NDP: variants seen among roughly 807,000 people sequenced by gnomAD.
The protein encoded by NDP is norrin cystine knot growth factor NDP.
In NDP, 2 loss-of-function variants were observed where a neutral mutation model predicts 8.4. The ratio of observed to expected loss-of-function variants is 0.24; its 90% CI spans 0.10 to 0.75. NDP has a LOEUF of 0.75. NDP is among the 30% of genes least tolerant of loss of function. The pLI is 0.73. For missense variants in NDP, 81 were observed against 110.1 expected (o/e 0.74, Z 1.18); for synonymous variants, 55 against 45.6 (o/e 1.21, Z -0.83).
At chrX:43,950,232 CT>C (rs952658075) in intron 2 of NDP, among the ~76,000 whole-genome samples, 1 of 110,536 alleles carries the variant, frequency 9.0e-6, no homozygotes, top group Non-Finnish European at 1.9e-5. Context: ...AGGGACCAGG[CT>C]TTCATGGTTT....
intron 1 of NDP, among the ~76,000 whole-genome samples, chrX:43,964,594 T>C (rs1309334059): frequency 1.8e-5 from 2 of 111,233 alleles, no homozygotes; most frequent in Non-Finnish European, 3.8e-5. Context: ...GCTTTCATCT[T>C]TTCCTCCCTA....
At chrX:43,968,333 A>G (rs1032475091) in intron 1 of NDP, among the ~76,000 whole-genome samples, 11 of 112,321 alleles carry the variant, frequency 9.8e-5, no homozygotes, top group African/African-American at 3.6e-4. Flanking sequence ...GACACAAGAA[A>G]AAAGCTTTGC....
At position 43,972,667 on chromosome X, in the gene NDP, C is replaced by T. The variant is rs1009496700; in HGVS notation, c.-208+637G>A. ...ACAGTAAATCCATCCTCATCTCCTC[C>T]CGGTGCTCCCCAATGCATCTATGGA... On this transcript the variant is annotated intron_variant, in intron 1 of 2. Coordinates refer to ENST00000642620, the MANE Select transcript of NDP (RefSeq NM_000266.4). Among the ~76,000 whole-genome samples the T allele has an allele frequency of 2.0e-4, 22 of 111,989 alleles. No individual in the cohort carries two copies. In the South Asian group the frequency reaches 2.2e-3, roughly 11 times the overall value.
intron 1 of NDP, among the ~76,000 whole-genome samples, chrX:43,970,009 G>A (rs2035882936): frequency 8.9e-6 from 1 of 112,184 alleles, no homozygotes; most frequent in South Asian, 3.8e-4. Context: ...AAAGAAAGAA[G>A]GGAAATATAT....
intron 1 of NDP, chrX:43,969,718 T>A (rs1602071946): frequency 8.9e-6 from 1 of 112,131 alleles, no homozygotes; most frequent in East Asian, 2.8e-4. Flanking sequence ...ACTATGGAGA[T>A]GGGGAGATCC....
chrX:43,965,747 G>A (rs5905579), intron 1 of NDP, among the ~76,000 whole-genome samples: 36,439 of 110,719 alleles, frequency 0.33, 4,658 homozygotes, highest in African/African-American at 0.44. Context: ...GTTCAGGATA[G>A]AAGAGAAAGA....
Position 43,958,680 on chromosome X carries a change from G to A in NDP, c.-35C>T. On this transcript the variant is annotated 5_prime_UTR_variant, in exon 2 of 3. Transcript: ENST00000642620. ...GAAAAACTTCTCTAGAAGAACAGCAGAGGGAGGCAGAGGACAAAAAATTGG... is the reference window on the plus strand; with the variant it reads ...GAAAAACTTCTCTAGAAGAACAGCAAAGGGAGGCAGAGGACAAAAAATTGG... 8.6e-7 allele frequency: 1 copy of A among 1,159,059 alleles called. No homozygotes were observed. The highest frequency in any genetic ancestry group is 1.8e-5 in the African/African-American group (1 of 56,799).
chrX:43,964,989 A>T (rs886438510), intron 1 of NDP, among the ~76,000 whole-genome samples: 3 of 112,458 alleles, frequency 2.7e-5, no homozygotes, highest in African/African-American at 9.7e-5. Context: ...CCAACACTGA[A>T]GCCCAAGCTA....
intron 2 of NDP, among the ~76,000 whole-genome samples, chrX:43,954,027 C>G (rs2035777465): frequency 8.9e-6 from 1 of 112,452 alleles, no homozygotes; most frequent in Non-Finnish European, 1.9e-5. Context: ...AGAATAAAGA[C>G]CCACCTGTCC....
chrX:43,960,524 G>A (rs759354911), intron 1 of NDP, among the ~76,000 whole-genome samples: 1 of 112,275 alleles, frequency 8.9e-6, no homozygotes, highest in Admixed American at 9.4e-5. Context: ...TTTCAAATCT[G>A]CAAAGGATGC....
At chrX:43,968,381 G>A (rs1012298390) in intron 1 of NDP, among the ~76,000 whole-genome samples, 4 of 112,425 alleles carry the variant, frequency 3.6e-5, no homozygotes, top group Non-Finnish European at 5.6e-5. Context: ...TAATGCCATC[G>A]GCACAATCTT....
At position 43,949,771 on chromosome X, in the gene NDP, A is replaced by G; in HGVS notation, c.*28T>C. On this transcript the variant is annotated 3_prime_UTR_variant, in exon 3 of 3. Coordinates refer to ENST00000642620, the MANE Select transcript of NDP (RefSeq NM_000266.4). ...GTCGAACTGCCTCTACAGTTGTCCC[A>G]TCCAGAAGCCACACACAGCAGCGGG... The G allele has an allele frequency of 8.7e-7, 1 of 1,153,093 alleles. No homozygotes were observed. The highest frequency in any genetic ancestry group is 1.2e-6 in the Non-Finnish European group (1 of 859,258).
At chrX:43,967,759 T>C (rs2035866638) in intron 1 of NDP, among the ~76,000 whole-genome samples, 1 of 111,369 alleles carries the variant, frequency 9.0e-6, no homozygotes, top group Non-Finnish European at 1.9e-5. Context: ...TTTGTGGCAC[T>C]GTAGAAAGGC....
chrX:43,963,037 A>G (rs1236411913), intron 1 of NDP, among the ~76,000 whole-genome samples: 1 of 112,260 alleles, frequency 8.9e-6, no homozygotes, highest in African/African-American at 3.2e-5. Context: ...TATCTCAGCA[A>G]CAGGCTAAGT....
At chrX:43,956,178 A>T (rs2035791899) in intron 2 of NDP, among the ~76,000 whole-genome samples, 1 of 111,909 alleles carries the variant, frequency 8.9e-6, no homozygotes, top group Admixed American at 9.5e-5. Context: ...TGCCTGACAC[A>T]TATATTAGGT....
intron 1 of NDP, among the ~76,000 whole-genome samples, chrX:43,960,291 T>G (rs749003716): frequency 8.9e-6 from 1 of 111,876 alleles, no homozygotes; most frequent in Non-Finnish European, 1.9e-5. Context: ...CTAGCCCAAG[T>G]TTCCTCATCT....
intron 2 of NDP, among the ~76,000 whole-genome samples, 166 bp downstream of exon 2, chrX:43,958,306 A>G (rs2035806987): frequency 8.9e-6 from 1 of 112,655 alleles, no homozygotes; most frequent in Non-Finnish European, 1.9e-5. Flanking sequence ...AACAGTGCAA[A>G]GCACGGGGGG....
rs2035809976 is a variant in NDP, at chrX:43,958,727, T to C, written c.-82A>G. The C allele has an allele frequency of 1.1e-5, 9 of 847,821 alleles. No individual in the cohort carries two copies. The highest frequency in any genetic ancestry group is 2.0e-5 in the African/African-American group (1 of 50,516). 69.9% of individuals were successfully genotyped at this position (847,821 alleles called of 1,213,427 possible). On this transcript the variant is annotated 5_prime_UTR_variant, in exon 2 of 3. Transcript: ENST00000642620. ...TTGGAAATGGCTTCACCTCCTAGGA[T>C]CCAGTCCCGTTCAAGGAAAGGGCAG...
intron 2 of NDP, among the ~76,000 whole-genome samples, chrX:43,956,398 TG>T (rs1233227425): frequency 5.4e-5 from 6 of 111,968 alleles, no homozygotes; most frequent in African/African-American, 1.9e-4. Context: ...GTCTTTTCTT[TG>T]TAAAAAGAAG....
Sources: allele counts gnomAD v4.1 joint callset (sites outside exome capture counted in the v4.1 genomes callset), GRCh38; gene constraint gnomAD v4.1.1; transcripts MANE v1.5; gene names NCBI Gene and HGNC (gene_info 2026-07-23, HGNC 2026-07-21).